GATAD2A: variants seen among roughly 807,000 people sequenced by gnomAD.
GATAD2A encodes the protein GATA zinc finger domain containing 2A.
A neutral mutation model predicts 68.5 loss-of-function variants in GATAD2A; 12 were observed. The ratio of observed to expected loss-of-function variants is 0.18; its 90% CI spans 0.11 to 0.28. The LOEUF (loss-of-function observed/expected upper bound fraction) is 0.28. GATAD2A is among the 10% of genes least tolerant of loss of function. The pLI is 1.00. For missense variants in GATAD2A, 755 were observed against 868.5 expected (o/e 0.87, Z 1.64); for synonymous variants, 410 against 375.3 (o/e 1.09, Z -1.07).
At chr19:19,486,095 C>T (rs1428864469) in intron 2 of GATAD2A, among the ~76,000 whole-genome samples, 1 of 152,232 alleles carries the variant, frequency 6.6e-6, no homozygotes, top group Non-Finnish European at 1.5e-5. Context: ...CGCTCCCCAG[C>T]CTTGCCAGGC....
At position 19,502,592 on chromosome 19, in the gene GATAD2A, A is replaced by T. The variant is rs1328963545; in HGVS notation, c.1774+66A>T. ...TGTGGGGTTCACCCTTCCTTAACCG[A>T]AACAGAGGCACATGTGCAGCGGGTG... is the stretch of plus-strand genomic sequence containing the variant. On this transcript the variant is annotated intron_variant, in intron 11 of 11. Coordinates refer to ENST00000683918, the MANE Select transcript of GATAD2A (RefSeq NM_001384528.1). The T allele has an allele frequency of 1.9e-5, 24 of 1,260,664 alleles. No individual in the cohort carries two copies. In the Admixed American group the frequency reaches 5.2e-4, roughly 27 times the overall value. The allele number at this position is 1,260,664 out of a possible 1,614,324, so 78.1% of individuals were successfully genotyped here. A position where few individuals can be genotyped will look rare whatever the true frequency, so the allele number is the denominator to read the frequency against.
intron 1 of GATAD2A, among the ~76,000 whole-genome samples, chr19:19,399,553 T>C (rs1243909137): frequency 6.6e-6 from 1 of 152,170 alleles, no homozygotes; most frequent in East Asian, 1.9e-4. Context: ...TCAAATTGTC[T>C]CTATTGAAGG....
intron 1 of GATAD2A, among the ~76,000 whole-genome samples, chr19:19,431,256 G>A (rs545943511): frequency 1.3e-5 from 2 of 151,168 alleles, no homozygotes; most frequent in Admixed American, 1.3e-4. Context: ...AATGCTGCTA[G>A]TTGTGATCAT....
intron 1 of GATAD2A, among the ~76,000 whole-genome samples, chr19:19,419,800 A>C (rs2052126299): frequency 6.6e-6 from 1 of 151,456 alleles, no homozygotes. Context: ...GGTGTAAGTC[A>C]CCGCCCTGGA....
chr19:19,413,081 G>A (rs1368788092), intron 1 of GATAD2A, among the ~76,000 whole-genome samples: 2 of 152,208 alleles, frequency 1.3e-5, no homozygotes, highest in African/African-American at 2.4e-5. Flanking sequence ...TACTCCCAGT[G>A]GGGCTGCATT....
intron 1 of GATAD2A, among the ~76,000 whole-genome samples, chr19:19,391,207 AC>A (rs1346576841): frequency 6.6e-6 from 1 of 152,214 alleles, no homozygotes; most frequent in Non-Finnish European, 1.5e-5. Context: ...GACGGCTAAA[AC>A]CCAGGAGGAA....
intron 2 of GATAD2A, among the ~76,000 whole-genome samples, chr19:19,482,541 G>A (rs975236046): frequency 1.3e-5 from 2 of 152,202 alleles, no homozygotes; most frequent in African/African-American, 4.8e-5. Flanking sequence ...CTCAGGTGCT[G>A]TAGGAGCCCA....
At chr19:19,502,118 C>T (rs963455793) in intron 10 of GATAD2A, 75 bp downstream of exon 10, 21 of 1,108,390 alleles carry the variant, frequency 1.9e-5, no homozygotes, top group African/African-American at 1.8e-4. Context: ...CCGACTGTCA[C>T]GCTGCCTCTT....
At chr19:19,505,212 G>A in intron 11 of GATAD2A, 132 bp from the exon 12 acceptor site, 1 of 740,056 alleles carries the variant, frequency 1.4e-6, no homozygotes, top group Non-Finnish European at 2.3e-6. Context: ...GAGGAGTAGT[G>A]TGGGTGGGTT....
Position 19,492,753 on chromosome 19 carries a change from G to A in GATAD2A, c.534+41G>A, listed in dbSNP as rs749754394. On this transcript the variant is annotated intron_variant, in intron 4 of 11. Transcript: ENST00000683918. Reference sequence around the variant, plus strand: ...CCCTCCTTCCTGGGCCAGCAGGAGCGCCTGGCCTTGCCTTGATCCCCTCAT... The same window carrying A: ...CCCTCCTTCCTGGGCCAGCAGGAGCACCTGGCCTTGCCTTGATCCCCTCAT... 2.9e-5 allele frequency: 46 copies of A among 1,605,200 alleles called. No individual in the cohort carries two copies. In the South Asian group the frequency reaches 4.5e-4, roughly 16 times the overall value.
Position 19,492,703 on chromosome 19 carries a change from C to G in GATAD2A, c.525C>G (p.Thr175=), listed in dbSNP as rs199695439. Residue 175 remains threonine, a synonymous_variant, in exon 4 of 12, where the codon ACC becomes ACG. Transcript: ENST00000683918. ...LRQSQIQKEA[T]AQKPTGSVGS... is the part of the protein sequence containing the mutation. ...AGAGTCAAATACAAAAGGAAGCCAC[C>G]GCCCAGAAGGTGCGTGCCTGTCTCC... The G allele has an allele frequency of 3.3e-5, 53 of 1,613,996 alleles. 1 individual carries two copies. The highest frequency in any genetic ancestry group is 3.3e-4 in the Middle Eastern group (2 of 6,084).
chr19:19,476,995 C>CTGTGTG (rs2058718110), intron 2 of GATAD2A, among the ~76,000 whole-genome samples: 1 of 152,174 alleles, frequency 6.6e-6, no homozygotes, highest in Non-Finnish European at 1.5e-5. Flanking sequence ...CGGCCATGTA[C>CTGTGTG]TGAATCTCTG....
At chr19:19,465,709 A>G in intron 2 of GATAD2A, 95 bp downstream of exon 2, 1 of 1,410,830 alleles carries the variant, frequency 7.1e-7, no homozygotes, top group Non-Finnish European at 9.5e-7. Context: ...TGTTGGTAAC[A>G]GCTTGGCGGG....
At chr19:19,476,818 G>A (rs199906796) in intron 2 of GATAD2A, among the ~76,000 whole-genome samples, 25 of 152,206 alleles carry the variant, frequency 1.6e-4, no homozygotes, top group African/African-American at 5.5e-4. Context: ...GTGTTTTCCC[G>A]GTTAGCAGAA....
intron 1 of GATAD2A, among the ~76,000 whole-genome samples, chr19:19,410,005 C>G (rs894490504): frequency 2.0e-5 from 3 of 152,110 alleles, no homozygotes; most frequent in Non-Finnish European, 4.4e-5. Flanking sequence ...TCCACGAAAC[C>G]CTCTAGGTGT....
At chr19:19,478,548 C>T (rs1437025566) in intron 2 of GATAD2A, among the ~76,000 whole-genome samples, 5 of 151,746 alleles carry the variant, frequency 3.3e-5, no homozygotes, top group Non-Finnish European at 2.9e-5. Context: ...GAGCCGAGAT[C>T]GCACCACTGC....
intron 1 of GATAD2A, among the ~76,000 whole-genome samples, chr19:19,437,647 G>A (rs533059886): frequency 6.6e-6 from 1 of 152,246 alleles, no homozygotes; most frequent in Admixed American, 6.5e-5. Context: ...TGATTTGCCT[G>A]TTGTGGACAT....
intron 1 of GATAD2A, among the ~76,000 whole-genome samples, chr19:19,458,950 GTCTT>G (rs1445931350): frequency 7.9e-5 from 12 of 152,090 alleles, no homozygotes; most frequent in African/African-American, 2.9e-4. Flanking sequence ...ATGAGGTACT[GTCTT>G]TCTTTGTTAG....
At chr19:19,433,585 C>G (rs2053984492) in intron 1 of GATAD2A, among the ~76,000 whole-genome samples, 1 of 151,290 alleles carries the variant, frequency 6.6e-6, no homozygotes, top group Non-Finnish European at 1.5e-5. Flanking sequence ...CTTCAGTTTT[C>G]TTTTTTTTTG....
Sources: gnomAD v4.1 joint callset for allele counts (sites outside exome capture counted in the v4.1 genomes callset) on GRCh38, gnomAD v4.1.1 for gene constraint, MANE v1.5 for transcripts, NCBI Gene and HGNC (gene_info 2026-07-23, HGNC 2026-07-21) for gene names.